The following DOP1B variants were observed in gnomAD, a reference collection of about 807,000 sequenced individuals.
DOP1B encodes the protein DOP1 leucine zipper like protein B.
In DOP1B, 174 loss-of-function variants were observed where a neutral mutation model predicts 233.5. That is an observed-to-expected ratio of 0.75 (90% CI 0.66 to 0.85). DOP1B has a LOEUF of 0.85. Among genes scored for constraint, DOP1B ranks in the 40% least tolerant of loss-of-function variants. The pLI, the probability that DOP1B is intolerant of heterozygous loss-of-function variation, is 0.00. For missense variants in DOP1B, 2,652 were observed against 2,846.6 expected (o/e 0.93, Z 1.56); for synonymous variants, 1,190 against 1,185.6 (o/e 1.00, Z -0.08).
At chr21:36,171,700 G>A (rs1015468032) in intron 2 of DOP1B, among the ~76,000 whole-genome samples, 7 of 152,158 alleles carry the variant, frequency 4.6e-5, no homozygotes, top group Admixed American at 1.3e-4. Context: ...GAAGAAAGCC[G>A]CTCTCTTGAC....
At chr21:36,227,940 G>A (rs1449710400) in intron 13 of DOP1B, 63 bp downstream of exon 13, 13 of 1,435,310 alleles carry the variant, frequency 9.1e-6, no homozygotes, top group Non-Finnish European at 1.0e-5. Flanking sequence ...CTTCCTGGGA[G>A]TAGAAAGTCT....
Position 36,191,619 on chromosome 21 carries a change from C to T in DOP1B, c.139-7451C>T, listed in dbSNP as rs2066235338. ...TGGCCAACATAGTGAAACCTCGTCT[C>T]TACTAAAAATACAAAAATTAGCCGG... On this transcript the variant is annotated intron_variant, in intron 2 of 36. Transcript: ENST00000691173. Among the ~76,000 whole-genome samples the T allele has an allele frequency of 4.6e-5, 7 of 152,258 alleles. No individual in the cohort carries two copies. The South Asian group carries it at 1.4e-3, about 32-fold the overall frequency.
At chr21:36,213,527 A>T (rs1189965123) in intron 7 of DOP1B, among the ~76,000 whole-genome samples, 3 of 151,792 alleles carry the variant, frequency 2.0e-5, no homozygotes, top group Non-Finnish European at 4.4e-5. Context: ...ATGGTGGCTC[A>T]TGCCTGTAAT....
chr21:36,245,354 C>T lies in DOP1B; in HGVS notation c.3374C>T (p.Thr1125Met), dbSNP rs764246346. 17 of 1,614,006 alleles carry T rather than the reference C, an allele frequency of 1.1e-5. No individual in the cohort carries two copies. In the African/African-American group the frequency reaches 1.2e-4, roughly 11 times the overall value. ...TSSCHTDSEN[T>M]SSFSSPSHDL... ...TCCTGCCACACGGACAGCGAGAACA[C>T]GTCCTCCTTCTCCTCCCCTTCCCAC... Residue 1125 changes from threonine (T) to methionine (M), a missense_variant, in exon 19 of 37, where the codon ACG becomes ATG. By Grantham distance (81) the Thr-to-Met change is moderately conservative. Coordinates refer to ENST00000691173, the MANE Select transcript of DOP1B (RefSeq NM_001320714.2). This position sits in a 1 kb window ranked among gnomAD's most constrained non-coding sequence, Gnocchi z 5.5.
At chr21:36,186,455 G>A (rs2066167094) in intron 2 of DOP1B, among the ~76,000 whole-genome samples, 1 of 152,128 alleles carries the variant, frequency 6.6e-6, no homozygotes, top group African/African-American at 2.4e-5. Flanking sequence ...ATGTATGTAT[G>A]TATTTGTGTG....
chr21:36,242,540 T>C (rs962249489), intron 18 of DOP1B, among the ~76,000 whole-genome samples: 10 of 152,094 alleles, frequency 6.6e-5, no homozygotes, highest in Admixed American at 6.6e-4. Flanking sequence ...CTTGAACTCC[T>C]GAGCTCAAGT....
intron 2 of DOP1B, among the ~76,000 whole-genome samples, chr21:36,177,819 G>A (rs944152174): frequency 1.3e-5 from 2 of 152,132 alleles, no homozygotes; most frequent in African/African-American, 2.4e-5. Flanking sequence ...CCTTGAGCTT[G>A]GCCTCTGTAA....
At chr21:36,289,324 T>G in intron 35 of DOP1B, 118 bp downstream of exon 35, 1 of 1,091,702 alleles carries the variant, frequency 9.2e-7, no homozygotes, top group Non-Finnish European at 1.3e-6. Flanking sequence ...GGGTTTCTAG[T>G]GACAGCTAAG....
At chr21:36,223,779 A>G (rs1426268103) in intron 11 of DOP1B, among the ~76,000 whole-genome samples, 1 of 152,194 alleles carries the variant, frequency 6.6e-6, no homozygotes, top group Non-Finnish European at 1.5e-5. Context: ...TTAAGCTACT[A>G]TAATCAGCTT....
Position 36,249,691 on chromosome 21 carries a change from G to A in DOP1B, c.4998+1123G>A, listed in dbSNP as rs75596164. ...TCAGTGTCTGCCTCAGAAGGCTGTA[G>A]GCGCAGGACTCGGTCGCTCACCATC... On this transcript the variant is annotated intron_variant, in intron 21 of 36. Transcript: ENST00000691173. Among the ~76,000 whole-genome samples, 4 of 152,294 alleles carry A rather than the reference G, an allele frequency of 2.6e-5. No homozygotes were observed. The East Asian group carries it at 7.7e-4, about 29-fold the overall frequency.
At chr21:36,196,073 A>G (rs955438916) in intron 2 of DOP1B, among the ~76,000 whole-genome samples, 2 of 152,268 alleles carry the variant, frequency 1.3e-5, no homozygotes, top group African/African-American at 2.4e-5. Flanking sequence ...TGCTGTGTGC[A>G]CAGACTGAGG....
intron 4 of DOP1B, among the ~76,000 whole-genome samples, chr21:36,207,411 C>G (rs2066439838): frequency 6.6e-6 from 1 of 151,742 alleles, no homozygotes; most frequent in African/African-American, 2.4e-5. Flanking sequence ...TCTCAAACTC[C>G]TGACCTCAGG....
In DOP1B at chr21:36,239,774, T is replaced by G. The variant is rs946496422; in HGVS notation, c.2886T>G (p.Phe962Leu). The G allele has an allele frequency of 4.6e-6, 7 of 1,536,780 alleles. No individual in the cohort carries two copies. The African/African-American group carries it at 8.3e-5, about 18-fold the overall frequency. Residue 962 changes from phenylalanine (F) to leucine (L), a missense_variant, in exon 18 of 37, where the codon TTT (phenylalanine) becomes TTG (leucine). By Grantham distance (22) the Phe-to-Leu change is conservative (BLOSUM62 0). This residue lies in a region of DOP1B where 2,617 missense variants were observed against 2,794.3 expected (regional missense o/e 0.94). Transcript: ENST00000691173. ...GTGTTTCCCACTGCAGGTCCTTGTT[T>G]GTCGTGCTGGACAGCCTGGCCTGCA... ...SHNRSFDRSL[F>L]VVLDSLACTD...
chr21:36,231,844 A>ATT (rs35336231), intron 14 of DOP1B, among the ~76,000 whole-genome samples: 5,500 of 119,834 alleles, frequency 0.046, 264 homozygotes, highest in African/African-American at 0.13. Context: ...CGCCCAGCTA[A>ATT]TTTTTTTTTT....
intron 16 of DOP1B, among the ~76,000 whole-genome samples, 175 bp from the exon 17 acceptor site, chr21:36,238,426 G>C (rs1601437709): frequency 6.6e-6 from 1 of 152,306 alleles, no homozygotes; most frequent in African/African-American, 2.4e-5. Context: ...AGAGGATGCA[G>C]GTTCTCCTTT....
At chr21:36,215,585 A>C (rs901252754) in intron 9 of DOP1B, among the ~76,000 whole-genome samples, 11 of 151,722 alleles carry the variant, frequency 7.3e-5, no homozygotes, top group African/African-American at 2.7e-4. Context: ...TTGTATTTTC[A>C]GTAGAGACAG....
chr21:36,230,659 G>C lies in DOP1B; in HGVS notation c.1875G>C (p.Arg625Ser). ...DVWKKGGSMQ[R>S]TFLCIQELIA... is the part of the protein sequence containing the mutation. ...GGAAGAAGGGCGGGAGCATGCAGAG[G>C]ACGTTTCTTTGCATCCAAGAGCTAA... is the stretch of plus-strand genomic sequence containing the variant. Residue 625 changes from arginine (R) to serine (S), a missense_variant, in exon 14 of 37, where the codon AGG becomes AGC. This residue lies in a region of DOP1B where 2,617 missense variants were observed against 2,794.3 expected (regional missense o/e 0.94). Coordinates refer to ENST00000691173, the MANE Select transcript of DOP1B (RefSeq NM_001320714.2). 6.2e-7 allele frequency: 1 copy of C among 1,614,208 alleles called. No individual in the cohort carries two copies. The highest frequency in any genetic ancestry group is 1.7e-5 in the Admixed American group (1 of 60,012).
At position 36,250,408 on chromosome 21, in the gene DOP1B, C is replaced by T. The variant is rs187851079; in HGVS notation, c.4999-754C>T. 2.5e-4 allele frequency among the ~76,000 whole-genome samples: 38 copies of T among 152,256 alleles called. No individual in the cohort carries two copies. The East Asian group carries it at 5.0e-3, about 20-fold the overall frequency. On this transcript the variant is annotated intron_variant, in intron 21 of 36. Transcript: ENST00000691173. ...CAGACATTAACTGGCAGTGTAATAA[C>T]GATGTGAGCAGGGCTTCAAAGAAAC...
chr21:36,200,852 A>AT (rs1491456795), intron 4 of DOP1B, among the ~76,000 whole-genome samples: 2 of 151,850 alleles, frequency 1.3e-5, no homozygotes, highest in African/African-American at 2.4e-5. Flanking sequence ...AAAAAAAAAA[A>AT]AGACACGGGG....
Sources: gnomAD v4.1 joint callset for allele counts (sites outside exome capture counted in the v4.1 genomes callset) on GRCh38, gnomAD v4.1.1 for gene constraint, gnomAD v4.1.1 regional missense constraint, Gnocchi (gnomAD v3.1) non-coding constraint, MANE v1.5 for transcripts, NCBI Gene and HGNC (gene_info 2026-07-23, HGNC 2026-07-21) for gene names.